The following PLPPR5 variants were observed in gnomAD, a reference collection of about 807,000 sequenced individuals.
PLPPR5 encodes the protein phospholipid phosphatase-related protein type 5.
In PLPPR5, 16 loss-of-function variants were observed where a neutral mutation model predicts 33.9. The observed-to-expected ratio is 0.47, with a 90% CI of 0.32 to 0.72. The LOEUF is 0.72. Among genes scored for constraint, PLPPR5 ranks in the 30% least tolerant of loss-of-function variants. The probability of loss-of-function intolerance (pLI) is 0.03; values close to 1 mark genes in which losing one functional copy is unlikely to be tolerated. For synonymous variants in PLPPR5, 163 were observed against 150.3 expected, an observed-to-expected ratio of 1.08 and a Z score of -0.62; for missense variants, 301 against 406.7, an observed-to-expected ratio of 0.74 and a Z score of 2.23.
chr1:99,002,822 T>C (rs1652901814), intron 1 of PLPPR5, among the ~76,000 whole-genome samples: 1 of 151,894 alleles, frequency 6.6e-6, no homozygotes, highest in African/African-American at 2.4e-5. Context: ...ACCAAACCAA[T>C]GAGCTGAAAG....
At chr1:98,940,552 G>A (rs1270597256) in intron 3 of PLPPR5, among the ~76,000 whole-genome samples, 1 of 151,870 alleles carries the variant, frequency 6.6e-6, no homozygotes, top group African/African-American at 2.4e-5. Context: ...CGCTTGAAAG[G>A]GCTTTCACTG....
upstream of PLPPR5, among the ~76,000 whole-genome samples, chr1:99,005,589 A>G (rs1035095993): frequency 2.6e-5 from 4 of 152,036 alleles, no homozygotes; most frequent in Non-Finnish European, 4.4e-5. Flanking sequence ...TCATCTTTTC[A>G]GTCTGTCTTT....
At chr1:98,895,802 AT>A (rs2101130479) in intron 5 of PLPPR5, among the ~76,000 whole-genome samples, 1 of 152,048 alleles carries the variant, frequency 6.6e-6, no homozygotes, top group Non-Finnish European at 1.5e-5. Context: ...CTTGGGGCTC[AT>A]CATTTTAAGG....
chr1:98,993,418 T>C (rs10489924), intron 1 of PLPPR5, among the ~76,000 whole-genome samples: 10,633 of 152,044 alleles, frequency 0.07, 507 homozygotes, highest in Non-Finnish European at 0.096. Context: ...ACCCCAAGTA[T>C]TCATGTGATA....
intron 3 of PLPPR5, among the ~76,000 whole-genome samples, chr1:98,943,913 A>G (rs1441925018): frequency 2.6e-5 from 4 of 152,206 alleles, no homozygotes; most frequent in African/African-American, 9.6e-5. Flanking sequence ...AACAGTTCAC[A>G]TTCACCTGGT....
intron 1 of PLPPR5, among the ~76,000 whole-genome samples, chr1:98,981,488 C>T (rs1652063062): frequency 6.6e-6 from 1 of 151,992 alleles, no homozygotes; most frequent in Admixed American, 6.6e-5. Context: ...TCTCAGAAAC[C>T]TTCTCTTTCA....
chr1:98,953,531 T>G (rs951771606), intron 2 of PLPPR5, among the ~76,000 whole-genome samples: 8 of 152,158 alleles, frequency 5.3e-5, no homozygotes, highest in African/African-American at 1.9e-4. Flanking sequence ...GTGGTAAATA[T>G]TGCTCTGTCT....
At chr1:98,949,595 T>C (rs1486967138) in intron 3 of PLPPR5, among the ~76,000 whole-genome samples, 1 of 152,220 alleles carries the variant, frequency 6.6e-6, no homozygotes, top group Admixed American at 6.5e-5. Context: ...TTCTATTTAC[T>C]ACCCATCAAA....
At chr1:98,948,153 C>T (rs937585539) in intron 3 of PLPPR5, among the ~76,000 whole-genome samples, 1 of 152,196 alleles carries the variant, frequency 6.6e-6, no homozygotes, top group Non-Finnish European at 1.5e-5. Flanking sequence ...AATCCTTATA[C>T]CTCCAAGTGA....
chr1:98,956,713 C>A lies in PLPPR5; in HGVS notation c.266G>T (p.Cys89Phe). 2 of 1,571,884 alleles carry A rather than the reference C, an allele frequency of 1.3e-6. No homozygotes were observed. Among genetic ancestry groups the A allele is most frequent in the Non-Finnish European group, 8.6e-7 (1 of 1,163,300 alleles). ...VIIVGETAVF[C>F]LQLATRDFEN... Reference sequence around the variant, plus strand: ...AAAATCCCTTGTGGCTAGTTGTAGGCAAAAGACAGCAGTTTCTCCAACTAT... The same window carrying A: ...AAAATCCCTTGTGGCTAGTTGTAGGAAAAAGACAGCAGTTTCTCCAACTAT... The change falls in exon 2 of 6, where the codon TGC (cysteine) becomes TTC (phenylalanine). Residue 89 changes from cysteine to phenylalanine, a missense_variant. Cys to Phe is a radical substitution (Grantham distance 205). Coordinates refer to ENST00000263177, the MANE Select transcript of PLPPR5 (RefSeq NM_001037317.2).
intron 4 of PLPPR5, among the ~76,000 whole-genome samples, chr1:98,915,721 C>T (rs1649319990): frequency 6.6e-6 from 1 of 152,088 alleles, no homozygotes; most frequent in Non-Finnish European, 1.5e-5. Flanking sequence ...ACATTTTTGG[C>T]ATTGTTAAAA....
chr1:98,994,540 A>G (rs1652567010), intron 1 of PLPPR5, among the ~76,000 whole-genome samples: 1 of 152,134 alleles, frequency 6.6e-6, no homozygotes, highest in Non-Finnish European at 1.5e-5. Context: ...ATGAGGACAA[A>G]GAAGACCTCG....
At chr1:98,999,613 C>T (rs554898734) in intron 1 of PLPPR5, among the ~76,000 whole-genome samples, 1 of 152,258 alleles carries the variant, frequency 6.6e-6, no homozygotes, top group African/African-American at 2.4e-5. Context: ...TACACCACAC[C>T]ACGGGAATGT....
At chr1:98,949,059 T>C (rs1016382737) in intron 3 of PLPPR5, among the ~76,000 whole-genome samples, 2 of 152,142 alleles carry the variant, frequency 1.3e-5, no homozygotes, top group Non-Finnish European at 2.9e-5. Flanking sequence ...TCACCAAACA[T>C]AATTATTCAT....
At chr1:98,901,325 T>C (rs1452418241) in intron 5 of PLPPR5, among the ~76,000 whole-genome samples, 1 of 152,144 alleles carries the variant, frequency 6.6e-6, no homozygotes, top group Admixed American at 6.6e-5. Context: ...AGGGGAAGGC[T>C]GAAACATTTG....
rs1423379646 is a variant in PLPPR5 at position 98,914,877 on chromosome 1, T to C, written c.842A>G (p.Asn281Ser). The change falls in exon 5 of 6, where the codon AAT (asparagine) becomes AGT (serine). Residue 281 changes from asparagine to serine, a missense_variant. Coordinates refer to ENST00000263177, the MANE Select transcript of PLPPR5 (RefSeq NM_001037317.2). ...VNNFKGRQAE[N>S]EHIHMDNLAQ... The stretch of plus-strand genomic sequence containing the variant: ...CAGATTATCCATGTGTATATGCTCA[T>C]TTTCTGCTTGTCTCCCTTTGAAATT... 4 of 1,612,644 alleles carry C rather than the reference T, an allele frequency of 2.5e-6. No homozygotes were observed. The highest frequency in any genetic ancestry group is 3.4e-6 in the Non-Finnish European group (4 of 1,179,668).
chr1:98,912,716 A>G (rs12134324), intron 5 of PLPPR5, among the ~76,000 whole-genome samples: 108,047 of 151,416 alleles, frequency 0.71, 39,024 homozygotes, highest in East Asian at 0.8. Flanking sequence ...AAGGAATACT[A>G]AATATTAGCA....
chr1:98,949,884 G>A (rs890581732), intron 3 of PLPPR5, among the ~76,000 whole-genome samples: 3 of 152,084 alleles, frequency 2.0e-5, no homozygotes, highest in African/African-American at 7.2e-5. Flanking sequence ...AAAGACAGAA[G>A]TACCCATCAA....
At chr1:98,958,909 G>A (rs1651123735) in intron 1 of PLPPR5, among the ~76,000 whole-genome samples, 1 of 152,118 alleles carries the variant, frequency 6.6e-6, no homozygotes, top group African/African-American at 2.4e-5. Flanking sequence ...CTCCACTGCA[G>A]CTTCCACGGG....
Sources: gnomAD v4.1 joint callset for allele counts (sites outside exome capture counted in the v4.1 genomes callset) on GRCh38, gnomAD v4.1.1 for gene constraint, MANE v1.5 for transcripts, NCBI Gene and HGNC (gene_info 2026-07-23, HGNC 2026-07-21) for gene names.